The following CYSLTR2 variants were observed in gnomAD, a reference collection of about 807,000 sequenced individuals.
CYSLTR2 encodes G-protein coupled receptor GPCR21.
For synonymous variants in CYSLTR2, 179 were observed against 160.8 expected (o/e 1.11, Z -0.86); for missense variants, 398 against 411.9 (o/e 0.97, Z 0.29).
intron 3 of CYSLTR2, among the ~76,000 whole-genome samples, chr13:48,693,731 C>T (rs1954095083): frequency 6.6e-6 from 1 of 151,446 alleles, no homozygotes; most frequent in African/African-American, 2.4e-5. Context: ...TTGGTTTAAG[C>T]CCCTGGCGAT....
At chr13:48,695,652 G>A (rs1954165821) in intron 3 of CYSLTR2, among the ~76,000 whole-genome samples, 1 of 151,358 alleles carries the variant, frequency 6.6e-6, no homozygotes, top group South Asian at 2.1e-4. Flanking sequence ...TGTCATTCAA[G>A]GATGTTATAT....
At chr13:48,679,829 C>T (rs1343847276) in intron 1 of CYSLTR2, among the ~76,000 whole-genome samples, 1 of 152,056 alleles carries the variant, frequency 6.6e-6, no homozygotes, top group African/African-American at 2.4e-5. Flanking sequence ...AGTGAGGAGC[C>T]ATGAGAGTAG....
Position 48,656,777 on chromosome 13 carries a change from A to G in CYSLTR2, c.-266+2760A>G, listed in dbSNP as rs1396214344. Among the ~76,000 whole-genome samples the G allele has an allele frequency of 2.0e-5, 3 of 152,210 alleles. No individual in the cohort carries two copies. In the South Asian group the frequency reaches 6.2e-4, roughly 32 times the overall value. ...ATATCTGAGGCACTCTAGTTCCCCA[A>G]GGGTAAGCCTTTAAGATAAAAGCCT... On this transcript the variant is annotated intron_variant, in intron 1 of 4. Transcript: ENST00000682523.
At chr13:48,700,832 A>C (rs1785820171) in intron 4 of CYSLTR2, among the ~76,000 whole-genome samples, 3 of 152,366 alleles carry the variant, frequency 2.0e-5, no homozygotes, top group East Asian at 3.9e-4. Context: ...AATCAAGTGC[A>C]AAAATCACAA....
intron 1 of CYSLTR2, among the ~76,000 whole-genome samples, chr13:48,658,907 A>G (rs1200909282): frequency 6.6e-6 from 1 of 152,146 alleles, no homozygotes; most frequent in Non-Finnish European, 1.5e-5. Context: ...TAATGTGGTC[A>G]GATATGCATT....
Position 48,686,546 on chromosome 13 carries a change from C to G in CYSLTR2, c.-265-4666C>G, listed in dbSNP as rs573647966. Among the ~76,000 whole-genome samples, 6 of 152,186 alleles carry G rather than the reference C, an allele frequency of 3.9e-5. No homozygotes were observed. The South Asian group carries it at 1.0e-3, about 26-fold the overall frequency. ...AAAACAGGGACCCAGATTATCATAC[C>G]CAAGCAATGAAAATATGTCCCGCAA... On this transcript the variant is annotated intron_variant, in intron 1 of 4. Coordinates refer to ENST00000682523, the MANE Select transcript of CYSLTR2 (RefSeq NM_001308476.3).
intron 4 of CYSLTR2, among the ~76,000 whole-genome samples, 187 bp downstream of exon 4, chr13:48,696,813 C>T (rs1482043903): frequency 3.3e-5 from 5 of 152,214 alleles, no homozygotes; most frequent in African/African-American, 1.2e-4. Flanking sequence ...TTCCAACTGC[C>T]TTAGCAAACG....
chr13:48,658,483 A>G (rs1023620498), intron 1 of CYSLTR2, among the ~76,000 whole-genome samples: 3 of 152,172 alleles, frequency 2.0e-5, no homozygotes, highest in African/African-American at 7.2e-5. Context: ...ACGCTGTGCT[A>G]GGGCCTGGGG....
intron 1 of CYSLTR2, among the ~76,000 whole-genome samples, chr13:48,690,182 G>A (rs779379178): frequency 5.9e-5 from 9 of 151,684 alleles, no homozygotes; most frequent in Non-Finnish European, 1.3e-4. Flanking sequence ...TAAATATACA[G>A]TCATGTCATC....
intron 2 of CYSLTR2, among the ~76,000 whole-genome samples, chr13:48,692,930 T>C (rs897539753): frequency 2.0e-5 from 3 of 151,800 alleles, no homozygotes; most frequent in African/African-American, 2.4e-5. Context: ...ATTTAGAAAT[T>C]GTGTAGGCAT....
intron 4 of CYSLTR2, among the ~76,000 whole-genome samples, chr13:48,703,467 CTT>C (rs978745393): frequency 7.2e-5 from 11 of 152,070 alleles, no homozygotes; most frequent in Non-Finnish European, 1.3e-4. Context: ...TGTATATGCT[CTT>C]TATCAAGTTG....
rs976679318 is a variant in CYSLTR2, at chr13:48,673,432, G to C, written c.-265-17780G>C. 3.2e-5 allele frequency among the ~76,000 whole-genome samples: 3 copies of C among 92,504 alleles called. No homozygotes were observed. The Admixed American group carries it at 4.0e-4, about 12-fold the overall frequency. 60.7% of individuals were successfully genotyped at this position (92,504 alleles called of 152,430 possible). On this transcript the variant is annotated intron_variant, in intron 1 of 4. Transcript: ENST00000682523. ...ATCAGAGACTAGGATTGTAACCCCGGCTTTTTTTTTTTTTTTTTTTTTTTT... is the reference window on the plus strand; with the variant it reads ...ATCAGAGACTAGGATTGTAACCCCGCCTTTTTTTTTTTTTTTTTTTTTTTT...
At chr13:48,655,229 A>G (rs140179777) in intron 1 of CYSLTR2, among the ~76,000 whole-genome samples, 1 of 152,334 alleles carries the variant, frequency 6.6e-6, no homozygotes, top group Non-Finnish European at 1.5e-5. Flanking sequence ...CATATCTGCT[A>G]GAATCTACCA....
At chr13:48,680,539 T>C (rs1021258539) in intron 1 of CYSLTR2, among the ~76,000 whole-genome samples, 2 of 152,194 alleles carry the variant, frequency 1.3e-5, no homozygotes, top group Non-Finnish European at 2.9e-5. Flanking sequence ...TGTTGTTTAA[T>C]TACCAGCAAA....
intron 1 of CYSLTR2, among the ~76,000 whole-genome samples, chr13:48,660,771 A>G (rs1368365367): frequency 6.6e-6 from 1 of 152,170 alleles, no homozygotes; most frequent in Non-Finnish European, 1.5e-5. Flanking sequence ...TGACATTTGG[A>G]GCCTGTTACA....
intron 1 of CYSLTR2, among the ~76,000 whole-genome samples, chr13:48,670,714 T>C (rs74719799): frequency 2.0e-5 from 3 of 152,246 alleles, no homozygotes; most frequent in Non-Finnish European, 4.4e-5. Context: ...GATAGTGTTA[T>C]GCCTCCAGCT....
rs1954615483 is a variant in CYSLTR2, at chr13:48,710,884, G to A, written c.*3026G>A. 6.6e-6 allele frequency: 1 copy of A among 152,186 alleles called. No homozygotes were observed. Among genetic ancestry groups the A allele is most frequent in the Admixed American group, 6.5e-5 (1 of 15,268 alleles). The allele number at this position is 152,186 out of a possible 1,614,324, so 9.4% of individuals were successfully genotyped here. ...ACAGATAAGGGGGTGCTGCTGGAGT[G>A]AAATACTGTGATATAACCTTTTTTT... On this transcript the variant is annotated 3_prime_UTR_variant, in exon 5 of 5. Transcript: ENST00000682523.
chr13:48,695,067 C>CCTTTTTTTT (rs1278951741), intron 3 of CYSLTR2, among the ~76,000 whole-genome samples: 1 of 83,698 alleles, frequency 1.2e-5, no homozygotes, highest in Non-Finnish European at 2.6e-5. Flanking sequence ...CAGAACCTGG[C>CCTTTTTTTT]ATTTTTTTTT....
At chr13:48,655,340 G>A (rs1248086936) in intron 1 of CYSLTR2, among the ~76,000 whole-genome samples, 2 of 152,188 alleles carry the variant, frequency 1.3e-5, no homozygotes, top group South Asian at 2.1e-4. Flanking sequence ...AGCGAAGATC[G>A]ATGGGATTGG....
Sources: gnomAD v4.1 joint callset for allele counts (sites outside exome capture counted in the v4.1 genomes callset) on GRCh38, gnomAD v4.1.1 for gene constraint, MANE v1.5 for transcripts, NCBI Gene and HGNC (gene_info 2026-07-23, HGNC 2026-07-21) for gene names.